The following MYMX variants were observed in gnomAD, a reference collection of about 807,000 sequenced individuals.
MYMX encodes protein myomixer.
the MYMX span, among the ~76,000 whole-genome samples, chr6:44,192,926 C>T: frequency 4.4e-4 from 67 of 152,290 alleles, no homozygotes; most frequent in Admixed American, 1.0e-3. Flanking sequence ...ACTAAAGCAA[C>T]CAATGGCGGT....
At chr6:44,205,808 CA>C in the MYMX span, among the ~76,000 whole-genome samples, 1 of 148,728 alleles carries the variant, frequency 6.7e-6, no homozygotes, top group Non-Finnish European at 1.5e-5. Flanking sequence ...GACTTCTTCT[CA>C]AAAAAAAAGA....
At chr6:44,209,146 TAG>T in the MYMX span, among the ~76,000 whole-genome samples, 1 of 152,092 alleles carries the variant, frequency 6.6e-6, no homozygotes, top group African/African-American at 2.4e-5. Context: ...GTATTTTTGG[TAG>T]AGAGAGGGTT....
chr6:44,198,893 G>C, the MYMX span, among the ~76,000 whole-genome samples: 1 of 152,072 alleles, frequency 6.6e-6, no homozygotes, highest in East Asian at 1.9e-4. Flanking sequence ...GATTACAGGC[G>C]TGAGTAACTA....
chr6:44,217,434 T>C lies in MYMX; in HGVS notation c.-22-16T>C. On this transcript the variant is annotated splice_polypyrimidine_tract_variant and intron_variant, in intron 1 of 1. Transcript: ENST00000573382. ...AACCAGGACATGCAAGCCTAAAGTCTGTGTTGTCTTCCCAGGCACTGACTC... is the reference window on the plus strand; with the variant it reads ...AACCAGGACATGCAAGCCTAAAGTCCGTGTTGTCTTCCCAGGCACTGACTC... 1 of 399,714 alleles carries C rather than the reference T, an allele frequency of 2.5e-6. No individual in the cohort carries two copies. The highest frequency in any genetic ancestry group is 4.4e-6 in the Non-Finnish European group (1 of 226,462). 24.8% of individuals were successfully genotyped at this position (399,714 alleles called of 1,614,324 possible). A position where few individuals can be genotyped will look rare whatever the true frequency, so the allele number is the denominator to read the frequency against.
Position 44,217,850 on chromosome 6 carries a change from G to C in MYMX, c.*124G>C. 2.5e-6 allele frequency: 1 copy of C among 399,684 alleles called. No individual in the cohort carries two copies. Among genetic ancestry groups the C allele is most frequent in the Non-Finnish European group, 4.4e-6 (1 of 226,210 alleles). The allele number at this position is 399,684 out of a possible 1,614,324, so 24.8% of individuals were successfully genotyped here. A position where few individuals can be genotyped will look rare whatever the true frequency, so the allele number is the denominator to read the frequency against. ...AAGATATAGTGAGGGTTGTGCATGA[G>C]AGGGATCTGCCACAGACATGCCTCT... On this transcript the variant is annotated 3_prime_UTR_variant, in exon 2 of 2. Transcript: ENST00000573382.
the MYMX span, among the ~76,000 whole-genome samples, chr6:44,202,272 T>C: frequency 6.6e-6 from 1 of 152,140 alleles, no homozygotes; most frequent in Non-Finnish European, 1.5e-5. Context: ...TATGTTGTCA[T>C]GTCTGGCCCG....
upstream of MYMX, among the ~76,000 whole-genome samples, chr6:44,213,159 G>A (rs1046328735): frequency 4.6e-5 from 7 of 152,228 alleles, no homozygotes; most frequent in Non-Finnish European, 8.8e-5. Flanking sequence ...GTGGAGGTGG[G>A]TGGATCACGA....
chr6:44,210,193 C>T, the MYMX span: 1 of 152,166 alleles, frequency 6.6e-6, no homozygotes, highest in Non-Finnish European at 1.5e-5. Flanking sequence ...GATCTGCCCA[C>T]CTTGGCCTCC....
At chr6:44,200,186 T>A in the MYMX span, among the ~76,000 whole-genome samples, 1 of 152,046 alleles carries the variant, frequency 6.6e-6, no homozygotes, top group Non-Finnish European at 1.5e-5. Flanking sequence ...AAAAAAATTA[T>A]AACATAATAC....
At chr6:44,206,165 G>A in the MYMX span, among the ~76,000 whole-genome samples, 1 of 151,796 alleles carries the variant, frequency 6.6e-6, no homozygotes, top group East Asian at 1.9e-4. Flanking sequence ...TGCCTGCAGG[G>A]TATGGTCAAA....
the MYMX span, among the ~76,000 whole-genome samples, chr6:44,209,367 C>G: frequency 6.6e-6 from 1 of 152,274 alleles, no homozygotes; most frequent in South Asian, 2.1e-4. Context: ...ATTGATTCAC[C>G]AGCCTCAGCC....
the MYMX span, among the ~76,000 whole-genome samples, chr6:44,206,094 C>T: frequency 6.6e-6 from 1 of 151,536 alleles, no homozygotes; most frequent in Non-Finnish European, 1.5e-5. Context: ...CTGCTAGCTC[C>T]AGTACTGCCA....
the MYMX span, among the ~76,000 whole-genome samples, chr6:44,193,244 A>C: frequency 6.6e-6 from 1 of 152,156 alleles, no homozygotes; most frequent in Non-Finnish European, 1.5e-5. Context: ...GCTACTAGTC[A>C]TTGAATATTT....
chr6:44,207,909 G>T, the MYMX span, among the ~76,000 whole-genome samples: 1 of 151,898 alleles, frequency 6.6e-6, no homozygotes, highest in Non-Finnish European at 1.5e-5. Flanking sequence ...GTCACTTCTG[G>T]AATAAACAAA....
chr6:44,197,526 C>G, the MYMX span, among the ~76,000 whole-genome samples: 1 of 152,164 alleles, frequency 6.6e-6, no homozygotes, highest in Non-Finnish European at 1.5e-5. Flanking sequence ...GAGTGAGACT[C>G]CGTCTCAAAA....
At chr6:44,201,826 C>T in the MYMX span, among the ~76,000 whole-genome samples, 1 of 152,176 alleles carries the variant, frequency 6.6e-6, no homozygotes, top group Non-Finnish European at 1.5e-5. Flanking sequence ...AGGGGGACCA[C>T]CCCATAGCAC....
At chr6:44,207,903 C>T in the MYMX span, among the ~76,000 whole-genome samples, 1 of 151,998 alleles carries the variant, frequency 6.6e-6, no homozygotes, top group African/African-American at 2.4e-5. Flanking sequence ...GTTCGAGTCA[C>T]TTCTGGAATA....
the MYMX span, among the ~76,000 whole-genome samples, chr6:44,199,478 GTGAGCCCCCACGCC>G: frequency 6.6e-6 from 1 of 152,174 alleles, no homozygotes; most frequent in African/African-American, 2.4e-5. Flanking sequence ...GATTACAGGC[GTGAGCCCCCACGCC>G]TGGCCCCCCT....
the MYMX span, among the ~76,000 whole-genome samples, chr6:44,193,985 C>CA: frequency 5.5e-4 from 77 of 138,802 alleles, no homozygotes; most frequent in South Asian, 9.1e-4. Flanking sequence ...ACTCCGTCTC[C>CA]AAAAAAAAAA....
Sources: gnomAD v4.1 joint callset for allele counts (sites outside exome capture counted in the v4.1 genomes callset) on GRCh38, gnomAD v4.1.1 for gene constraint, MANE v1.5 for transcripts, NCBI Gene and HGNC (gene_info 2026-07-23, HGNC 2026-07-21) for gene names.